The following LDB2 variants were observed in gnomAD, a reference collection of about 807,000 sequenced individuals.
The protein encoded by LDB2 is LIM domain binding 2.
A neutral mutation model predicts 44.3 loss-of-function variants in LDB2; 12 were observed. The ratio of observed to expected loss-of-function variants is 0.27; its 90% CI spans 0.17 to 0.44. LDB2 has a LOEUF of 0.44. Among genes scored for constraint, LDB2 ranks in the 20% least tolerant of loss-of-function variants. The pLI is 1.00. For missense variants in LDB2, 344 were observed against 473.5 expected (o/e 0.73, Z 2.54); for synonymous variants, 164 against 174.8 (o/e 0.94, Z 0.49).
intron 2 of LDB2, among the ~76,000 whole-genome samples, chr4:16,752,999 C>T (rs1765777778): frequency 6.6e-6 from 1 of 152,116 alleles, no homozygotes; most frequent in Admixed American, 6.5e-5. Flanking sequence ...TAAGCAGTGG[C>T]CAGAGGAACC....
rs574114782 is a variant in LDB2 at position 16,846,224 on chromosome 4, C to T, written c.132+52130G>A. Among the ~76,000 whole-genome samples, 25 of 152,300 alleles carry T rather than the reference C, an allele frequency of 1.6e-4. 1 individual carries two copies. Among genetic ancestry groups the T allele is most frequent in the Non-Finnish European group, 5.9e-5 (4 of 68,028 alleles). ...GCAATGCACTCCCTAAGACCTCCGC[C>T]CATTCTTAACATGTTTTTACATTGT... On this transcript the variant is annotated intron_variant, in intron 1 of 7. Transcript: ENST00000304523.
chr4:16,584,317 CA>C (rs1457421448), intron 5 of LDB2, among the ~76,000 whole-genome samples: 1 of 152,182 alleles, frequency 6.6e-6, no homozygotes, highest in Non-Finnish European at 1.5e-5. Context: ...GACTGTCTAG[CA>C]AAGGCAAGAA....
intron 2 of LDB2, among the ~76,000 whole-genome samples, chr4:16,694,683 C>T (rs1273880997): frequency 6.6e-6 from 1 of 152,138 alleles, no homozygotes; most frequent in Non-Finnish European, 1.5e-5. Context: ...GAAATCCATT[C>T]GTTGTTATTC....
chr4:16,854,616 C>T (rs1249908788), intron 1 of LDB2, among the ~76,000 whole-genome samples: 1 of 150,656 alleles, frequency 6.6e-6, no homozygotes, highest in Non-Finnish European at 1.5e-5. Flanking sequence ...TTCCCTTTCC[C>T]TAGGGGAGGA....
chr4:16,693,424 C>T (rs956015016), intron 2 of LDB2, among the ~76,000 whole-genome samples: 11 of 149,536 alleles, frequency 7.4e-5, no homozygotes, highest in East Asian at 5.9e-4. Flanking sequence ...GACGCCATCG[C>T]GGCTCACCGC....
intron 2 of LDB2, among the ~76,000 whole-genome samples, chr4:16,625,873 C>T (rs974213899): frequency 1.1e-4 from 16 of 152,142 alleles, no homozygotes; most frequent in Admixed American, 2.0e-4. Context: ...CACTGGTCCC[C>T]GCTGTTCTGT....
chr4:16,716,424 A>T (rs1215962061), intron 2 of LDB2, among the ~76,000 whole-genome samples: 1 of 152,194 alleles, frequency 6.6e-6, no homozygotes, highest in Non-Finnish European at 1.5e-5. Context: ...CTGGAGAAGG[A>T]GGTTTGTAGA....
In LDB2 at chr4:16,790,009, CAG is replaced by C. The variant is rs567315682; in HGVS notation, c.133-30751_133-30750del. On this transcript the variant is annotated intron_variant, in intron 1 of 7. Transcript: ENST00000304523. The stretch of plus-strand genomic sequence containing the variant: ...TTCTATAGACAAGAAAGTCAAGGCT[CAG>C]AGAGTTTTAGTTATCTGCTCAAGGA... Among the ~76,000 whole-genome samples the C allele has an allele frequency of 3.4e-3, 522 of 152,272 alleles. 2 individuals carry two copies. Among genetic ancestry groups the C allele is most frequent in the African/African-American group, 0.012 (485 of 41,562 alleles).
intron 2 of LDB2, among the ~76,000 whole-genome samples, chr4:16,638,276 A>G (rs1418817779): frequency 3.3e-5 from 5 of 152,018 alleles, no homozygotes; most frequent in African/African-American, 1.2e-4. Context: ...CTGGCTTCCT[A>G]CTCTTTGTGG....
intron 7 of LDB2, among the ~76,000 whole-genome samples, chr4:16,508,028 A>G (rs1720232083): frequency 1.3e-5 from 2 of 152,176 alleles, no homozygotes; most frequent in Non-Finnish European, 2.9e-5. Context: ...GCAATGGGCT[A>G]AGCGAGAGCT....
chr4:16,780,691 T>G (rs1434772559), intron 1 of LDB2, among the ~76,000 whole-genome samples: 1 of 152,132 alleles, frequency 6.6e-6, no homozygotes, highest in Non-Finnish European at 1.5e-5. Flanking sequence ...TTTACAAGTT[T>G]ATTCGCTCTG....
chr4:16,599,171 TATTTCA>T (rs894314504), intron 2 of LDB2, among the ~76,000 whole-genome samples: 2 of 152,116 alleles, frequency 1.3e-5, no homozygotes, highest in Non-Finnish European at 2.9e-5. Context: ...ACAAACTTAT[TATTTCA>T]TAGTCCCGAC....
chr4:16,580,961 A>G (rs1286405311), intron 5 of LDB2, among the ~76,000 whole-genome samples: 2 of 152,200 alleles, frequency 1.3e-5, no homozygotes, highest in Non-Finnish European at 2.9e-5. Context: ...CATACAGTAA[A>G]CATTCACATG....
At chr4:16,557,493 G>C (rs539486472) in intron 5 of LDB2, among the ~76,000 whole-genome samples, 1 of 152,216 alleles carries the variant, frequency 6.6e-6, no homozygotes, top group African/African-American at 2.4e-5. Context: ...GCAAGGCGGC[G>C]GCAGCGAGGC....
intron 5 of LDB2, among the ~76,000 whole-genome samples, chr4:16,577,139 A>G (rs983456223): frequency 7.9e-5 from 12 of 152,196 alleles, no homozygotes; most frequent in Admixed American, 7.9e-4. Flanking sequence ...GAATGGGGAA[A>G]AGTTTTAGTC....
rs539507998 is a variant in LDB2, at chr4:16,734,703, CTT to C, written c.235+24453_235+24454del. ...CTGCTGCTTCCCAACTTCTTGTTTT[CTT>C]TTTTTTTTTTTTTTTTTTTTGAGAT... On this transcript the variant is annotated intron_variant, in intron 2 of 7. Transcript: ENST00000304523. Among the ~76,000 whole-genome samples the C allele has an allele frequency of 8.9e-4, 115 of 129,358 alleles. 1 individual carries two copies. Among genetic ancestry groups the C allele is most frequent in the African/African-American group, 3.0e-3 (106 of 34,768 alleles). The allele number at this position is 129,358 out of a possible 152,430, so 84.9% of individuals were successfully genotyped here.
At chr4:16,591,181 C>G (rs1333164246) in intron 3 of LDB2, among the ~76,000 whole-genome samples, 4 of 152,134 alleles carry the variant, frequency 2.6e-5, no homozygotes, top group African/African-American at 9.7e-5. Context: ...ATTTGTTTTG[C>G]ATTTATGAAC....
intron 2 of LDB2, among the ~76,000 whole-genome samples, chr4:16,629,435 T>G (rs1467278926): frequency 6.6e-6 from 1 of 152,016 alleles, no homozygotes; most frequent in Non-Finnish European, 1.5e-5. Context: ...AGAGGAAGGA[T>G]CAGACAACAA....
intron 3 of LDB2, among the ~76,000 whole-genome samples, chr4:16,589,807 C>T (rs983867920): frequency 6.6e-6 from 1 of 152,104 alleles, no homozygotes; most frequent in African/African-American, 2.4e-5. Flanking sequence ...CGGGCGGATA[C>T]TTTGGCATCA....
Sources: gnomAD v4.1 joint callset for allele counts (sites outside exome capture counted in the v4.1 genomes callset) on GRCh38, gnomAD v4.1.1 for gene constraint, MANE v1.5 for transcripts, NCBI Gene and HGNC (gene_info 2026-07-23, HGNC 2026-07-21) for gene names.